Variants in PRDM2 observed in about 807,000 individuals in gnomAD.
PRDM2 encodes the protein PR/SET domain 2.
Under a neutral mutation model 130.0 loss-of-function variants are expected in PRDM2, and 30 were observed. That is an observed-to-expected ratio of 0.23 (90% CI 0.17 to 0.31). The LOEUF is 0.31. Among genes scored for constraint, PRDM2 ranks in the 10% least tolerant of loss-of-function variants. The pLI is 1.00. For missense variants in PRDM2, 2,011 were observed against 2,108.4 expected (o/e 0.95, Z 0.90); for synonymous variants, 871 against 782.4 (o/e 1.11, Z -1.89).
At chr1:13,782,913 CTT>C (rs35153743) in intron 8 of PRDM2, 82 bp downstream of exon 8, 14,113 of 1,396,438 alleles carry the variant, frequency 0.01, no homozygotes, top group East Asian at 0.024. Flanking sequence ...TTTCTTGTTG[CTT>C]TTTTTTTTTT....
Position 13,781,255 on chromosome 1 carries a change from T to G in PRDM2, c.3460T>G (p.Ser1154Ala). The G allele has an allele frequency of 6.2e-7, 1 of 1,614,256 alleles. No homozygotes were observed. The highest frequency in any genetic ancestry group is 8.5e-7 in the Non-Finnish European group (1 of 1,180,048). ...LSIKDLTKHL[S>A]IHAEEWPFKC... ...CATTAAAGATCTAACCAAACATTTA[T>G]CTATTCATGCTGAAGAATGGCCCTT... Residue 1154 changes from serine (S) to alanine (A), a missense_variant, in exon 8 of 10, where the codon TCT becomes GCT. Ser to Ala is a moderately conservative substitution (Grantham distance 99, BLOSUM62 1). This residue lies in a region of PRDM2 where 229 missense variants were observed against 364.1 expected (regional missense o/e 0.63). Transcript: ENST00000311066. The surrounding 1 kb of genome is among the most constrained non-coding windows in gnomAD (Gnocchi z 6.1).
chr1:13,766,128 CT>C (rs1644221345), intron 6 of PRDM2, among the ~76,000 whole-genome samples: 2 of 152,194 alleles, frequency 1.3e-5, no homozygotes, highest in African/African-American at 4.8e-5. Flanking sequence ...TCTGGTTCTT[CT>C]CTCAGCCTTG....
intron 4 of PRDM2, among the ~76,000 whole-genome samples, chr1:13,738,411 T>C (rs976858098): frequency 6.6e-6 from 1 of 152,214 alleles, no homozygotes; most frequent in African/African-American, 2.4e-5. Context: ...ATTTGTCCAG[T>C]GGCCGTTCAC....
At position 13,820,807 on chromosome 1, in the gene PRDM2, C is replaced by T. The variant is rs184355738; in HGVS notation, c.*24-2352C>T. The stretch of plus-strand genomic sequence containing the variant: ...TCGGTGGGGGACTGGCAAGATGGCT[C>T]CTTTAATGGATCCCACGTGACCCAG... On this transcript the variant is annotated intron_variant, in intron 9 of 9. Transcript: ENST00000311066. Among the ~76,000 whole-genome samples, 178 of 151,246 alleles carry T rather than the reference C, an allele frequency of 1.2e-3. 1 individual carries two copies. Among genetic ancestry groups the T allele is most frequent in the Middle Eastern group, 3.4e-3 (1 of 294 alleles).
chr1:13,800,121 C>G (rs1338913745), intron 8 of PRDM2, among the ~76,000 whole-genome samples: 1 of 152,236 alleles, frequency 6.6e-6, no homozygotes, highest in Non-Finnish European at 1.5e-5. Flanking sequence ...CTGTTACATG[C>G]CTGGCACTGT....
chr1:13,781,605 C>T lies in PRDM2; in HGVS notation c.3810C>T (p.Tyr1270=). ...EELNDSSEEL[Y]TTIKIMASGI... Reference sequence around the variant, plus strand: ...TAAATGATTCCTCTGAAGAGCTTTACACGACTATAAAAATAATGGCTTCTG... The same window carrying T: ...TAAATGATTCCTCTGAAGAGCTTTATACGACTATAAAAATAATGGCTTCTG... Residue 1270 remains tyrosine, a synonymous_variant, in exon 8 of 10, where the codon TAC becomes TAT. Transcript: ENST00000311066. The surrounding 1 kb of genome is among the most constrained non-coding windows in gnomAD (Gnocchi z 6.1). The T allele has an allele frequency of 6.2e-7, 1 of 1,613,358 alleles. No homozygotes were observed. Among genetic ancestry groups the T allele is most frequent in the Non-Finnish European group, 8.5e-7 (1 of 1,180,008 alleles).
chr1:13,816,662 G>C, intron 9 of PRDM2, 92 bp downstream of exon 9: 4 of 1,476,886 alleles, frequency 2.7e-6, no homozygotes, highest in Non-Finnish European at 3.7e-6. Flanking sequence ...AGGAGAGAAA[G>C]CAGTGGGTGT....
At chr1:13,767,472 T>TTTA (rs1255258121) in intron 6 of PRDM2, among the ~76,000 whole-genome samples, 3 of 150,574 alleles carry the variant, frequency 2.0e-5, no homozygotes, top group Non-Finnish European at 3.0e-5. Flanking sequence ...TTTCTATTTT[T>TTTA]TTTTTTTTTT....
chr1:13,782,913 CTTTTTT>C, intron 8 of PRDM2, 82 bp downstream of exon 8: 3 of 1,448,718 alleles, frequency 2.1e-6, no homozygotes, highest in Non-Finnish European at 1.8e-6. Context: ...TTTCTTGTTG[CTTTTTT>C]TTTTTTTTTT....
chr1:13,811,041 G>T (rs1178883934), intron 8 of PRDM2, among the ~76,000 whole-genome samples: 2 of 151,956 alleles, frequency 1.3e-5, no homozygotes, highest in African/African-American at 4.8e-5. Flanking sequence ...AAAATTAGCC[G>T]GGCATGGTGG....
intron 4 of PRDM2, among the ~76,000 whole-genome samples, chr1:13,736,987 T>C (rs1177000880): frequency 6.6e-6 from 1 of 152,246 alleles, no homozygotes; most frequent in African/African-American, 2.4e-5. Flanking sequence ...ATATATAAAC[T>C]TTTTTATCAG....
rs1236963292 is a variant in PRDM2 at position 13,787,063 on chromosome 1, G to C, written c.5036+4232G>C. On this transcript the variant is annotated intron_variant, in intron 8 of 9. Transcript: ENST00000311066. Reference sequence around the variant, plus strand: ...ACCCCTGGTATTTCTTTTTTTTGTTGTTTTCGTTTTTTTAAATCACAAGTA... The same window carrying C: ...ACCCCTGGTATTTCTTTTTTTTGTTCTTTTCGTTTTTTTAAATCACAAGTA... The C allele has an allele frequency of 6.1e-6, 6 of 985,150 alleles. No homozygotes were observed. In the East Asian group the frequency reaches 6.8e-4, roughly 112 times the overall value. 61.0% of individuals were successfully genotyped at this position (985,150 alleles called of 1,614,324 possible).
rs59538077 is a variant in PRDM2, at chr1:13,785,853, T to A, written c.5036+3022T>A. ...TGGGTTCTTTTTTTTTTTTTTTTTT[T>A]AATGAGACAGAGTCTCGCTCCGTTG... On this transcript the variant is annotated intron_variant, in intron 8 of 9. Transcript: ENST00000311066. Among the ~76,000 whole-genome samples the A allele has an allele frequency of 4.7e-3, 695 of 148,802 alleles. 6 individuals are homozygous for A. Among genetic ancestry groups the A allele is most frequent in the African/African-American group, 0.016 (651 of 40,478 alleles).
At chr1:13,811,383 C>T (rs963311208) in intron 8 of PRDM2, among the ~76,000 whole-genome samples, 9 of 152,146 alleles carry the variant, frequency 5.9e-5, no homozygotes, top group South Asian at 2.1e-4. Context: ...ACACTGTGCT[C>T]GCCCCCTGCT....
intron 6 of PRDM2, among the ~76,000 whole-genome samples, chr1:13,769,543 C>G (rs74324022): frequency 6.6e-6 from 1 of 152,120 alleles, no homozygotes; most frequent in South Asian, 2.1e-4. Context: ...TTCAATAGCC[C>G]CTTCATCTCT....
intron 4 of PRDM2, among the ~76,000 whole-genome samples, chr1:13,740,686 A>C (rs1643411473): frequency 6.6e-6 from 1 of 152,228 alleles, no homozygotes; most frequent in African/African-American, 2.4e-5. Context: ...TCACATGTTG[A>C]AAGGAGAGCT....
chr1:13,751,664 T>G lies in PRDM2; in HGVS notation c.511+2177T>G, dbSNP rs189087013. 1.1e-4 allele frequency among the ~76,000 whole-genome samples: 17 copies of G among 152,300 alleles called. No homozygotes were observed. The East Asian group carries it at 2.7e-3, about 24-fold the overall frequency. On this transcript the variant is annotated intron_variant, in intron 6 of 9. Coordinates refer to ENST00000311066, the MANE Select transcript of PRDM2 (RefSeq NM_001393986.1). Reference sequence around the variant, plus strand: ...ATTCAGAGGCAGTGTTAACTTAGTATTGCTGAAAGCCGCATGTTGAATACA... The same window carrying G: ...ATTCAGAGGCAGTGTTAACTTAGTAGTGCTGAAAGCCGCATGTTGAATACA...
At chr1:13,731,807 A>G (rs1445302282) in intron 3 of PRDM2, among the ~76,000 whole-genome samples, 1 of 152,208 alleles carries the variant, frequency 6.6e-6, no homozygotes, top group East Asian at 1.9e-4. Flanking sequence ...TGTACTTCCG[A>G]TATCCCAATT....
At chr1:13,804,596 G>A (rs958389722) in intron 8 of PRDM2, among the ~76,000 whole-genome samples, 1 of 152,138 alleles carries the variant, frequency 6.6e-6, no homozygotes, top group Admixed American at 6.5e-5. Context: ...AGCTCCGGGG[G>A]GGGAAATGAT....
Sources: gnomAD v4.1 joint callset for allele counts (sites outside exome capture counted in the v4.1 genomes callset) on GRCh38, gnomAD v4.1.1 for gene constraint, gnomAD v4.1.1 regional missense constraint, Gnocchi (gnomAD v3.1) non-coding constraint, MANE v1.5 for transcripts, NCBI Gene and HGNC (gene_info 2026-07-23, HGNC 2026-07-21) for gene names.